SLC36A1: variants seen among roughly 807,000 people sequenced by gnomAD.
SLC36A1 encodes the protein solute carrier family 36 member 1.
Under a neutral mutation model 47.5 loss-of-function variants are expected in SLC36A1, and 30 were observed. The observed-to-expected ratio is 0.63, with a 90% CI of 0.47 to 0.86. The LOEUF (loss-of-function observed/expected upper bound fraction) is 0.86. Among genes scored for constraint, SLC36A1 ranks in the 40% least tolerant of loss-of-function variants. SLC36A1 has a pLI of 0.00. For missense variants in SLC36A1, 517 were observed against 606.0 expected, an observed-to-expected ratio of 0.85 and a Z score of 1.54; for synonymous variants, 255 against 249.7, an observed-to-expected ratio of 1.02 and a Z score of -0.20.
chr5:151,383,504 A>T, the SLC36A1 span, among the ~76,000 whole-genome samples: 1 of 149,060 alleles, frequency 6.7e-6, no homozygotes, highest in African/African-American at 2.5e-5. Flanking sequence ...CAGCATTGTT[A>T]TCATGTCTTA....
downstream of SLC36A1, among the ~76,000 whole-genome samples, chr5:151,493,989 C>G (rs562903281): frequency 2.6e-5 from 4 of 152,186 alleles, no homozygotes; most frequent in Non-Finnish European, 4.4e-5. Flanking sequence ...CTCACTTCCT[C>G]TGTGGAGGCC....
chr5:151,416,401 A>T, the SLC36A1 span, among the ~76,000 whole-genome samples: 1 of 152,334 alleles, frequency 6.6e-6, no homozygotes, highest in Non-Finnish European at 1.5e-5. Context: ...GAAGTGAGGA[A>T]ATTGTTCCAA....
the SLC36A1 span, chr5:151,551,410 A>G: frequency 3.1e-6 from 5 of 1,587,522 alleles, no homozygotes; most frequent in Admixed American, 1.7e-5. Flanking sequence ...CCTCATCCCA[A>G]CCAAGAAGGC....
rs1289480736 is a variant in SLC36A1, at chr5:151,490,530, G to C, written c.*2276G>C. 4.6e-5 allele frequency: 7 copies of C among 152,422 alleles called. No individual in the cohort carries two copies. Among genetic ancestry groups the C allele is most frequent in the Non-Finnish European group, 1.5e-5 (1 of 68,176 alleles). The allele number at this position is 152,422 out of a possible 1,614,324, so 9.4% of individuals were successfully genotyped here. A position where few individuals can be genotyped will look rare whatever the true frequency, so the allele number is the denominator to read the frequency against. ...CTGTGATGTTGGGACCTGAGGACTG[G>C]ATGGTAGAATACTGGGGTCCCCCAG... On this transcript the variant is annotated 3_prime_UTR_variant, in exon 11 of 11. Transcript: ENST00000243389.
the SLC36A1 span, among the ~76,000 whole-genome samples, chr5:151,405,504 G>A: frequency 6.6e-6 from 1 of 151,856 alleles, no homozygotes; most frequent in South Asian, 2.1e-4. Context: ...ATGAGCCACT[G>A]CACCCAACAC....
At chr5:151,440,354 C>T (rs1015141272) in intron 1 of SLC36A1, among the ~76,000 whole-genome samples, 1 of 152,084 alleles carries the variant, frequency 6.6e-6, no homozygotes, top group Non-Finnish European at 1.5e-5. Context: ...TTTTAAGATA[C>T]AAAACCTGAG....
At chr5:151,459,143 GT>G (rs1403713803) in intron 2 of SLC36A1, among the ~76,000 whole-genome samples, 1 of 152,154 alleles carries the variant, frequency 6.6e-6, no homozygotes, top group Non-Finnish European at 1.5e-5. Flanking sequence ...TTTCAGCTGT[GT>G]TGGCCCCCCA....
At chr5:151,392,708 G>A in the SLC36A1 span, among the ~76,000 whole-genome samples, 75,499 of 152,038 alleles carry the variant, frequency 0.5, 20,740 homozygotes, top group African/African-American at 0.75. Flanking sequence ...GTAGTTGAGT[G>A]GTTTTGAGTG....
chr5:151,457,359 C>T (rs1202137915), intron 1 of SLC36A1, among the ~76,000 whole-genome samples: 1 of 151,986 alleles, frequency 6.6e-6, no homozygotes, highest in Non-Finnish European at 1.5e-5. Flanking sequence ...ATTCTAGGGG[C>T]CTACATCGCT....
chr5:151,459,074 G>A, intron 2 of SLC36A1, 139 bp downstream of exon 2: 1 of 959,934 alleles, frequency 1.0e-6, no homozygotes, highest in Non-Finnish European at 1.5e-6. Flanking sequence ...GCGAGTGACT[G>A]CGCTGAGATT....
chr5:151,530,398 C>T, the SLC36A1 span, among the ~76,000 whole-genome samples: 1 of 152,134 alleles, frequency 6.6e-6, no homozygotes, highest in Non-Finnish European at 1.5e-5. Context: ...CTAGGAAATA[C>T]AAGGACCTGA....
the SLC36A1 span, chr5:151,509,866 AG>A: frequency 1.1e-5 from 9 of 796,984 alleles, no homozygotes; most frequent in African/African-American, 1.5e-4. Context: ...GGTGCCAAAA[AG>A]GTTGGGGACC....
chr5:151,401,881 A>G, the SLC36A1 span, among the ~76,000 whole-genome samples: 1 of 151,926 alleles, frequency 6.6e-6, no homozygotes, highest in Non-Finnish European at 1.5e-5. Context: ...AAAATCTTCT[A>G]AGAGCCTTTT....
chr5:151,401,276 T>C, the SLC36A1 span, among the ~76,000 whole-genome samples: 1 of 152,156 alleles, frequency 6.6e-6, no homozygotes, highest in Admixed American at 6.5e-5. Flanking sequence ...ATTTATTGAA[T>C]AGGGAGTCCT....
chr5:151,472,527 A>C (rs972657390), intron 7 of SLC36A1, among the ~76,000 whole-genome samples: 1 of 152,136 alleles, frequency 6.6e-6, no homozygotes, highest in Non-Finnish European at 1.5e-5. Context: ...CAACCTTAAC[A>C]TTGTACCTGC....
At chr5:151,458,087 A>G (rs1754855653) in intron 1 of SLC36A1, among the ~76,000 whole-genome samples, 1 of 151,530 alleles carries the variant, frequency 6.6e-6, no homozygotes, top group Non-Finnish European at 1.5e-5. Flanking sequence ...ACCTCAGGTG[A>G]TCCGCCCGCC....
intron 8 of SLC36A1, 72 bp from the exon 9 acceptor site, chr5:151,476,518 G>GTTT (rs373585700): frequency 8.2e-6 from 8 of 973,306 alleles, no homozygotes; most frequent in South Asian, 2.3e-5. Flanking sequence ...TTTTTCTGAG[G>GTTT]TTTTTTTTTT....
At chr5:151,375,756 G>A in the SLC36A1 span, among the ~76,000 whole-genome samples, 1 of 152,110 alleles carries the variant, frequency 6.6e-6, no homozygotes, top group Admixed American at 6.5e-5. Context: ...TGTAGCTAAT[G>A]TAAATGGGAT....
chr5:151,540,152 T>C, the SLC36A1 span, among the ~76,000 whole-genome samples: 1 of 152,322 alleles, frequency 6.6e-6, no homozygotes, highest in African/African-American at 2.4e-5. Flanking sequence ...TGCAGAGAAA[T>C]AGACCTTTGT....
Sources: allele counts gnomAD v4.1 joint callset (sites outside exome capture counted in the v4.1 genomes callset), GRCh38; gene constraint gnomAD v4.1.1; transcripts MANE v1.5; gene names NCBI Gene and HGNC (gene_info 2026-07-23, HGNC 2026-07-21).